The following FBXO8 variants were observed in gnomAD, a reference collection of about 807,000 sequenced individuals.
FBXO8 encodes the protein F-box protein 8, also known as F-box only protein 8.
FBXO8 carries 15 observed loss-of-function variants against 33.4 expected under a neutral mutation model. The ratio of observed to expected loss-of-function variants is 0.45; its 90% CI spans 0.30 to 0.69. The LOEUF (loss-of-function observed/expected upper bound fraction) is 0.69. FBXO8 is among the 30% of genes least tolerant of loss of function. The probability of loss-of-function intolerance (pLI) is 0.08; values close to 1 mark genes in which losing one functional copy is unlikely to be tolerated. For synonymous variants in FBXO8, 132 were observed against 131.5 expected, an observed-to-expected ratio of 1.00 and a Z score of -0.02; for missense variants, 274 against 380.3, an observed-to-expected ratio of 0.72 and a Z score of 2.32.
rs776076785 is a variant in FBXO8 at position 174,263,084 on chromosome 4, T to C, written c.9A>G (p.Gln3=). 6.8e-5 allele frequency: 109 copies of C among 1,611,462 alleles called. No individual in the cohort carries two copies. Among genetic ancestry groups the C allele is most frequent in the Non-Finnish European group, 8.4e-5 (99 of 1,178,024 alleles). MG[Q]GLWRVVRNQQ... ...GGTTTCTGACCACTCTCCACAACCC[T>C]TGACCCATCTGCAAGCCTGGGAAAA... is the stretch of plus-strand genomic sequence containing the variant. The change falls in exon 2 of 6, where the codon CAA becomes CAG. Residue 3 remains glutamine (Q), a synonymous_variant. Transcript: ENST00000393674. This position sits in a 1 kb window ranked among gnomAD's most constrained non-coding sequence, Gnocchi z 4.2.
rs551666705 is a variant in FBXO8 at position 174,245,261 on chromosome 4, T to C, written c.457-4043A>G. Among the ~76,000 whole-genome samples the C allele has an allele frequency of 5.3e-5, 8 of 151,898 alleles. No homozygotes were observed. The highest frequency in any genetic ancestry group is 8.8e-5 in the Non-Finnish European group (6 of 67,808). ...AGAAGAAAACCTAAATGAATGCTTA[T>C]GAAAAGTAAGTGTTTCAGAGTTCAA... On this transcript the variant is annotated intron_variant, in intron 3 of 5. Coordinates refer to ENST00000393674, the MANE Select transcript of FBXO8 (RefSeq NM_012180.3). This position sits in a 1 kb window ranked among gnomAD's most constrained non-coding sequence, Gnocchi z 4.6.
At position 174,263,666 on chromosome 4, in the gene FBXO8, C is replaced by T. The variant is rs1343876428; in HGVS notation, c.-8-566G>A. On this transcript the variant is annotated intron_variant, in intron 1 of 5. Coordinates refer to ENST00000393674, the MANE Select transcript of FBXO8 (RefSeq NM_012180.3). This position sits in a 1 kb window ranked among gnomAD's most constrained non-coding sequence, Gnocchi z 4.2. ...TAGGCCCTGAAGTCTAATTCAGAAA[C>T]CTTGTAAATTAGACACCTAGAACTC... Among the ~76,000 whole-genome samples, 1 of 152,192 alleles carries T rather than the reference C, an allele frequency of 6.6e-6. No homozygotes were observed. The highest frequency in any genetic ancestry group is 1.5e-5 in the Non-Finnish European group (1 of 67,980).
intron 1 of FBXO8, among the ~76,000 whole-genome samples, chr4:174,280,889 T>C (rs185277288): frequency 3.3e-5 from 5 of 152,314 alleles, no homozygotes; most frequent in Non-Finnish European, 7.3e-5. Context: ...AGGGGAATTA[T>C]TGTTTAATAG....
Position 174,251,608 on chromosome 4 carries a change from T to TAC in FBXO8, c.456+8089_456+8090dup, listed in dbSNP as rs1259263749. ...AAAAAGAGATGGATACATACACACA[T>TAC]ACACACATGCATATCCACACATACC... On this transcript the variant is annotated intron_variant, in intron 3 of 5. Transcript: ENST00000393674. The surrounding 1 kb of genome is among the most constrained non-coding windows in gnomAD (Gnocchi z 4.2). Among the ~76,000 whole-genome samples the TAC allele has an allele frequency of 4.6e-5, 7 of 152,128 alleles. No individual in the cohort carries two copies. The highest frequency in any genetic ancestry group is 3.9e-4 in the Admixed American group (6 of 15,282).
Position 174,251,708 on chromosome 4 carries a change from T to C in FBXO8, c.456+7991A>G, listed in dbSNP as rs1034704201. Among the ~76,000 whole-genome samples, 12 of 152,172 alleles carry C rather than the reference T, an allele frequency of 7.9e-5. No individual in the cohort carries two copies. The highest frequency in any genetic ancestry group is 2.9e-4 in the African/African-American group (12 of 41,546). On this transcript the variant is annotated intron_variant, in intron 3 of 5. Transcript: ENST00000393674. The surrounding 1 kb of genome is among the most constrained non-coding windows in gnomAD (Gnocchi z 4.2). ...CTAATTGTAGCTAGTCGCTTGAAGG[T>C]ATTAAGTTGTCTAGGCAGAGGAAGA...
rs548955556 is a variant in FBXO8 at position 174,268,269 on chromosome 4, T to C, written c.-8-5169A>G. 3.9e-5 allele frequency among the ~76,000 whole-genome samples: 6 copies of C among 152,332 alleles called. No homozygotes were observed. The East Asian group carries it at 5.8e-4, about 15-fold the overall frequency. On this transcript the variant is annotated intron_variant, in intron 1 of 5. Coordinates refer to ENST00000393674, the MANE Select transcript of FBXO8 (RefSeq NM_012180.3). The stretch of plus-strand genomic sequence containing the variant: ...ATGTGTGTTTCTGCTGAAAGACATT[T>C]AATACATATTGCTAATTCATTAACT...
At position 174,277,627 on chromosome 4, in the gene FBXO8, CA is replaced by C. The variant is rs1394125843; in HGVS notation, c.-9+5782del. ...CCAATTCCATAAAGCTTTTACTGAG[CA>C]AACGGTGTTAAATCATTGGTATGTA... On this transcript the variant is annotated intron_variant, in intron 1 of 5. Transcript: ENST00000393674. This position sits in a 1 kb window ranked among gnomAD's most constrained non-coding sequence, Gnocchi z 4.9. Among the ~76,000 whole-genome samples the C allele has an allele frequency of 2.0e-5, 3 of 152,132 alleles. No individual in the cohort carries two copies. The highest frequency in any genetic ancestry group is 7.2e-5 in the African/African-American group (3 of 41,442).
intron 1 of FBXO8, among the ~76,000 whole-genome samples, chr4:174,276,289 G>A (rs1319855376): frequency 2.6e-5 from 4 of 152,174 alleles, no homozygotes; most frequent in Non-Finnish European, 5.9e-5. Context: ...CCAGGCTGGA[G>A]TGCAGTGGAA....
At chr4:174,268,561 A>C (rs990227095) in intron 1 of FBXO8, among the ~76,000 whole-genome samples, 5 of 151,976 alleles carry the variant, frequency 3.3e-5, no homozygotes, top group Admixed American at 6.6e-5. Flanking sequence ...CTCAGCCTCC[A>C]GAGTGCTGGG....
chr4:174,257,887 G>A lies in FBXO8; in HGVS notation c.456+1812C>T, dbSNP rs1736453617. On this transcript the variant is annotated intron_variant, in intron 3 of 5. Transcript: ENST00000393674. This position sits in a 1 kb window ranked among gnomAD's most constrained non-coding sequence, Gnocchi z 4.3. ...CCACAAGAATGCACCACAATGCCTA[G>A]CTAATTTTTTAAAAATTTTTTGTGG... 6.6e-6 allele frequency among the ~76,000 whole-genome samples: 1 copy of A among 151,904 alleles called. No individual in the cohort carries two copies. Among genetic ancestry groups the A allele is most frequent in the South Asian group, 2.1e-4 (1 of 4,824 alleles).
At position 174,278,086 on chromosome 4, in the gene FBXO8, T is replaced by A. The variant is rs1401647875; in HGVS notation, c.-9+5324A>T. 5.3e-5 allele frequency among the ~76,000 whole-genome samples: 8 copies of A among 151,894 alleles called. No homozygotes were observed. The highest frequency in any genetic ancestry group is 8.8e-5 in the Non-Finnish European group (6 of 67,918). On this transcript the variant is annotated intron_variant, in intron 1 of 5. Transcript: ENST00000393674. This position sits in a 1 kb window ranked among gnomAD's most constrained non-coding sequence, Gnocchi z 4.1. The stretch of plus-strand genomic sequence containing the variant: ...GAACAGACTGCGTAGAGAAATTTTT[T>A]AAAAAAGAAAAAAACCCTGATAACC...
At chr4:174,250,940 G>A (rs968428168) in intron 3 of FBXO8, among the ~76,000 whole-genome samples, 12 of 151,982 alleles carry the variant, frequency 7.9e-5, no homozygotes, top group African/African-American at 2.4e-4. Flanking sequence ...CAATAGATAA[G>A]GAAAAATATT....
chr4:174,280,239 G>C (rs4695916), intron 1 of FBXO8, among the ~76,000 whole-genome samples: 105,773 of 151,826 alleles, frequency 0.7, 37,018 homozygotes, highest in East Asian at 0.74. Context: ...GGAAAATACA[G>C]TCAACATCAC....
intron 2 of FBXO8, among the ~76,000 whole-genome samples, chr4:174,260,047 A>G (rs1334544148): frequency 6.6e-6 from 1 of 152,018 alleles, no homozygotes; most frequent in African/African-American, 2.4e-5. Context: ...TGTGAGTTAT[A>G]GAGATTAATA....
At chr4:174,246,381 T>C (rs896120067) in intron 3 of FBXO8, among the ~76,000 whole-genome samples, 2 of 151,900 alleles carry the variant, frequency 1.3e-5, no homozygotes, top group African/African-American at 4.8e-5. Flanking sequence ...TGAAGGATAC[T>C]AGAATAGGAA....
At position 174,275,911 on chromosome 4, in the gene FBXO8, G is replaced by A. The variant is rs531004782; in HGVS notation, c.-9+7499C>T. ...ATAGGATATATAAACAACAGAGTAA[G>A]GTACAAATGCAAAAAGGATCGATAT... On this transcript the variant is annotated intron_variant, in intron 1 of 5. Transcript: ENST00000393674. The surrounding 1 kb of genome is among the most constrained non-coding windows in gnomAD (Gnocchi z 4.4). Among the ~76,000 whole-genome samples, 64 of 152,010 alleles carry A rather than the reference G, an allele frequency of 4.2e-4. No homozygotes were observed. Among genetic ancestry groups the A allele is most frequent in the Middle Eastern group, 3.4e-3 (1 of 292 alleles).
In FBXO8 at chr4:174,277,016, A is replaced by C. The variant is rs1579040042; in HGVS notation, c.-9+6394T>G. On this transcript the variant is annotated intron_variant, in intron 1 of 5. Transcript: ENST00000393674. The surrounding 1 kb of genome is among the most constrained non-coding windows in gnomAD (Gnocchi z 4.9). Reference sequence around the variant, plus strand: ...TTTCTGAAACAGCTATATTGTTCTGACATAATTTTGGATGTATTTTTTTTA... The same window carrying C: ...TTTCTGAAACAGCTATATTGTTCTGCCATAATTTTGGATGTATTTTTTTTA... 6.6e-6 allele frequency among the ~76,000 whole-genome samples: 1 copy of C among 152,184 alleles called. No individual in the cohort carries two copies. Among genetic ancestry groups the C allele is most frequent in the East Asian group, 1.9e-4 (1 of 5,200 alleles).
chr4:174,246,858 T>C (rs1736171237), intron 3 of FBXO8, among the ~76,000 whole-genome samples: 1 of 152,036 alleles, frequency 6.6e-6, no homozygotes, highest in Non-Finnish European at 1.5e-5. Context: ...TTCTTAGGTC[T>C]ATCTGGGGAG....
At position 174,237,839 on chromosome 4, in the gene FBXO8, C is replaced by T. The variant is rs1464304214; in HGVS notation, c.773-240G>A. 2.6e-5 allele frequency among the ~76,000 whole-genome samples: 4 copies of T among 152,050 alleles called. No homozygotes were observed. Among genetic ancestry groups the T allele is most frequent in the Non-Finnish European group, 5.9e-5 (4 of 67,952 alleles). ...GGTTATCATCCTATCTTAATACTAA[C>T]TAAGCATGCATTTCCTTCATTTCAA... On this transcript the variant is annotated intron_variant, in intron 5 of 5. Coordinates refer to ENST00000393674, the MANE Select transcript of FBXO8 (RefSeq NM_012180.3). This position sits in a 1 kb window ranked among gnomAD's most constrained non-coding sequence, Gnocchi z 4.4.
Sources: allele counts gnomAD v4.1 joint callset (sites outside exome capture counted in the v4.1 genomes callset), GRCh38; gene constraint gnomAD v4.1.1; non-coding constraint Gnocchi (gnomAD v3.1); transcripts MANE v1.5; gene names NCBI Gene and HGNC (gene_info 2026-07-23, HGNC 2026-07-21).